The following KHDRBS2 variants were observed in gnomAD, a reference collection of about 807,000 sequenced individuals.
KHDRBS2 encodes KH domain-containing, RNA-binding, signal transduction-associated protein 2.
In KHDRBS2, 26 loss-of-function variants were observed where a neutral mutation model predicts 44.3. The observed-to-expected ratio is 0.59, with a 90% confidence interval of 0.43 to 0.81. The LOEUF (loss-of-function observed/expected upper bound fraction) is 0.81, where lower values mean the gene tolerates loss of function less well. Ranked by LOEUF, KHDRBS2 falls within the 40% of genes least tolerant of loss-of-function variation. KHDRBS2 has a pLI of 0.00. For synonymous variants in KHDRBS2, 194 were observed against 151.1 expected, an observed-to-expected ratio of 1.28 and a Z score of -2.08; for missense variants, 476 against 433.1, an observed-to-expected ratio of 1.10 and a Z score of -0.88.
chr6:62,070,235 A>C (rs181728914), intron 2 of KHDRBS2, among the ~76,000 whole-genome samples: 94 of 151,746 alleles, frequency 6.2e-4, no homozygotes, highest in African/African-American at 2.2e-3. Context: ...CACGTATATT[A>C]ATAAGGGATA....
intron 1 of KHDRBS2, among the ~76,000 whole-genome samples, chr6:62,239,590 AAT>A (rs1834256796): frequency 6.6e-6 from 1 of 151,856 alleles, no homozygotes. Context: ...TAAATGAATG[AAT>A]AAATAAATAA....
intron 4 of KHDRBS2, among the ~76,000 whole-genome samples, chr6:61,932,813 G>A (rs1158302507): frequency 6.6e-6 from 1 of 152,040 alleles, no homozygotes; most frequent in Non-Finnish European, 1.5e-5. Flanking sequence ...TAAAAAATAA[G>A]AGTGAAGTCA....
intron 2 of KHDRBS2, among the ~76,000 whole-genome samples, chr6:62,154,629 TA>T (rs1312677217): frequency 4.0e-5 from 6 of 151,694 alleles, no homozygotes; most frequent in Admixed American, 2.6e-4. Context: ...AAGGAAAAAA[TA>T]AAAAAGGGAA....
the KHDRBS2 span, among the ~76,000 whole-genome samples, chr6:61,620,222 C>T: frequency 6.6e-6 from 1 of 151,704 alleles, no homozygotes; most frequent in Non-Finnish European, 1.5e-5. Flanking sequence ...TTCTTAATTC[C>T]TTTTCACTGA....
intron 3 of KHDRBS2, among the ~76,000 whole-genome samples, chr6:62,046,081 A>T (rs183996694): frequency 6.6e-6 from 1 of 151,968 alleles, no homozygotes; most frequent in Admixed American, 6.6e-5. Flanking sequence ...AAAACACTCA[A>T]ATCATAGTCA....
the KHDRBS2 span, among the ~76,000 whole-genome samples, chr6:61,619,230 C>CGTACCTAAT: frequency 0.024 from 3,709 of 152,040 alleles, 69 homozygotes; most frequent in Middle Eastern, 0.088. Context: ...TAGTGTACAT[C>CGTACCTAAT]GTGTAGTTTT....
intron 2 of KHDRBS2, among the ~76,000 whole-genome samples, chr6:62,095,949 TG>T (rs764410073): frequency 2.5e-4 from 38 of 152,084 alleles, no homozygotes; most frequent in Non-Finnish European, 3.5e-4. Flanking sequence ...TTTTATCAAA[TG>T]TTTTTTTATT....
Position 61,894,688 on chromosome 6 carries a change from C to T in KHDRBS2, c.757G>A (p.Val253Met). 6.2e-7 allele frequency: 1 copy of T among 1,613,474 alleles called. No homozygotes were observed. Among genetic ancestry groups the T allele is most frequent in the Non-Finnish European group, 8.5e-7 (1 of 1,179,798 alleles). ...PTPRARGAPTVPGYRAPPPPA... is the reference protein window; with the variant it reads ...PTPRARGAPTMPGYRAPPPPA... Reference sequence around the variant, plus strand: ...GGAGGAGGTGCCCTGTATCCTGGCACTGTTGGTGCCCCCCGGGCTCGAGGG... The same window carrying T: ...GGAGGAGGTGCCCTGTATCCTGGCATTGTTGGTGCCCCCCGGGCTCGAGGG... The change falls in exon 6 of 9, where the codon GTG (valine) becomes ATG (methionine). Residue 253 changes from valine (V) to methionine (M), a missense_variant. Coordinates refer to ENST00000281156, the MANE Select transcript of KHDRBS2 (RefSeq NM_152688.4).
intron 1 of KHDRBS2, among the ~76,000 whole-genome samples, chr6:62,220,998 G>A (rs1830805721): frequency 6.6e-6 from 1 of 151,724 alleles, no homozygotes; most frequent in African/African-American, 2.4e-5. Flanking sequence ...TCACCACCTT[G>A]TAAAGATATC....
intron 6 of KHDRBS2, among the ~76,000 whole-genome samples, chr6:61,804,285 C>A (rs550631353): frequency 4.1e-4 from 63 of 152,300 alleles, no homozygotes; most frequent in Admixed American, 7.8e-4. Flanking sequence ...TCATGTCTCA[C>A]ATCCAGATCA....
At chr6:61,772,355 C>A (rs542110921) in intron 6 of KHDRBS2, among the ~76,000 whole-genome samples, 11 of 151,998 alleles carry the variant, frequency 7.2e-5, no homozygotes, top group Non-Finnish European at 1.2e-4. Flanking sequence ...CACAAAAAAC[C>A]CTTCAAAAAA....
intron 6 of KHDRBS2, among the ~76,000 whole-genome samples, chr6:61,809,741 T>A (rs184416959): frequency 2.5e-3 from 384 of 152,244 alleles, no homozygotes; most frequent in African/African-American, 8.9e-3. Context: ...ATCAAGACCC[T>A]ACCTGACAAC....
At chr6:62,269,381 G>A (rs1397172463) in intron 1 of KHDRBS2, among the ~76,000 whole-genome samples, 1 of 151,922 alleles carries the variant, frequency 6.6e-6, no homozygotes, top group Non-Finnish European at 1.5e-5. Flanking sequence ...ACTGCAACAA[G>A]AATAAAAGAC....
chr6:61,637,155 G>A, the KHDRBS2 span, among the ~76,000 whole-genome samples: 3 of 152,128 alleles, frequency 2.0e-5, no homozygotes, highest in South Asian at 6.2e-4. Context: ...CTAGCATTAA[G>A]TATATCTCCC....
the KHDRBS2 span, among the ~76,000 whole-genome samples, chr6:61,625,389 G>T: frequency 5.3e-5 from 8 of 149,546 alleles, no homozygotes; most frequent in Non-Finnish European, 1.2e-4. Flanking sequence ...GATGGACTGT[G>T]GTGGCCATGG....
At chr6:61,804,459 C>T (rs781713250) in intron 6 of KHDRBS2, among the ~76,000 whole-genome samples, 3 of 152,108 alleles carry the variant, frequency 2.0e-5, no homozygotes, top group Non-Finnish European at 4.4e-5. Context: ...TTCTGGGGTC[C>T]TGAGGACAGT....
intron 2 of KHDRBS2, among the ~76,000 whole-genome samples, chr6:62,159,214 C>T (rs1320343648): frequency 6.6e-6 from 1 of 152,042 alleles, no homozygotes; most frequent in Non-Finnish European, 1.5e-5. Flanking sequence ...GAAAGTGATT[C>T]CTGAGTTAAC....
intron 4 of KHDRBS2, among the ~76,000 whole-genome samples, chr6:61,958,423 C>T (rs1332272673): frequency 6.6e-6 from 1 of 152,122 alleles, no homozygotes; most frequent in Non-Finnish European, 1.5e-5. Context: ...ATTTGGCCAC[C>T]CTTCATGCTG....
At chr6:61,925,407 A>G (rs188391063) in intron 4 of KHDRBS2, among the ~76,000 whole-genome samples, 224 of 152,298 alleles carry the variant, frequency 1.5e-3, no homozygotes, top group African/African-American at 5.1e-3. Context: ...ATAAGATGTT[A>G]TATTTTCATC....
Sources: gnomAD v4.1 joint callset for allele counts (sites outside exome capture counted in the v4.1 genomes callset) on GRCh38, gnomAD v4.1.1 for gene constraint, MANE v1.5 for transcripts, NCBI Gene and HGNC (gene_info 2026-07-23, HGNC 2026-07-21) for gene names.